ALK: variants seen among roughly 807,000 people sequenced by gnomAD.
ALK encodes ALK tyrosine kinase receptor.
ALK carries 74 observed loss-of-function variants against 163.1 expected under a neutral mutation model. That is an observed-to-expected ratio of 0.45 (90% confidence interval 0.38 to 0.55). The LOEUF is 0.55. Among genes scored for constraint, ALK ranks in the 20% least tolerant of loss-of-function variants. The probability of loss-of-function intolerance (pLI) is 0.00; values close to 1 mark genes in which losing one functional copy is unlikely to be tolerated. For synonymous variants in ALK, 960 were observed against 843.2 expected (o/e 1.14, Z -2.40); for missense variants, 2,063 against 2,105.3 (o/e 0.98, Z 0.39).
intron 3 of ALK, among the ~76,000 whole-genome samples, chr2:29,677,136 C>T (rs2148275547): frequency 6.6e-6 from 1 of 151,382 alleles, no homozygotes; most frequent in South Asian, 2.1e-4. Context: ...TTAGTTCCCT[C>T]CCTCCCTATT....
At chr2:29,367,112 A>T (rs1339237983) in intron 5 of ALK, among the ~76,000 whole-genome samples, 6 of 152,118 alleles carry the variant, frequency 3.9e-5, no homozygotes, top group Non-Finnish European at 7.3e-5. Context: ...TTAATAATTT[A>T]TCTGGATGCC....
intron 15 of ALK, 71 bp from the exon 16 acceptor site, chr2:29,229,137 C>G: frequency 6.7e-7 from 1 of 1,481,824 alleles, no homozygotes; most frequent in Non-Finnish European, 9.4e-7. Flanking sequence ...GCCAGAGAAG[C>G]AGGATGCAGG....
rs188353773 is a variant in ALK, at chr2:29,574,102, G to A, written c.953-41986C>T. Among the ~76,000 whole-genome samples the A allele has an allele frequency of 2.6e-3, 402 of 152,200 alleles. 7 individuals carry two copies. The highest frequency in any genetic ancestry group is 1.4e-3 in the Non-Finnish European group (96 of 68,016). On this transcript the variant is annotated intron_variant, in intron 3 of 28. Coordinates refer to ENST00000389048, the MANE Select transcript of ALK (RefSeq NM_004304.5). The stretch of plus-strand genomic sequence containing the variant: ...TGTCCTTGCAGCATTTACTGATGCC[G>A]GAGCAGAACAAGTAAGTCCCACTGC...
At chr2:29,880,435 G>A (rs1228283782) in intron 1 of ALK, among the ~76,000 whole-genome samples, 1 of 152,186 alleles carries the variant, frequency 6.6e-6, no homozygotes, top group Non-Finnish European at 1.5e-5. Context: ...GGTTTTAAAT[G>A]TTGGGGGGTC....
rs115083930 is a variant in ALK at position 29,756,250 on chromosome 2, G to A, written c.668-38553C>T. 7.8e-3 allele frequency among the ~76,000 whole-genome samples: 1,192 copies of A among 152,318 alleles called. 16 individuals are homozygous for A. The highest frequency in any genetic ancestry group is 0.028 in the African/African-American group (1,151 of 41,562). ...CTCAGCTCAAAAGTCCATTTCCCGGGAGGACCTTCCGGACCTTTTAAATGC... is the reference window on the plus strand; with the variant it reads ...CTCAGCTCAAAAGTCCATTTCCCGGAAGGACCTTCCGGACCTTTTAAATGC... On this transcript the variant is annotated intron_variant, in intron 1 of 28. Transcript: ENST00000389048.
chr2:29,316,388 G>A (rs2148246425), intron 8 of ALK, among the ~76,000 whole-genome samples: 1 of 152,106 alleles, frequency 6.6e-6, no homozygotes. Context: ...AAAAGGGCAG[G>A]GAATAGCAGA....
chr2:29,718,330 G>A (rs1239327524), intron 1 of ALK, among the ~76,000 whole-genome samples: 1 of 152,198 alleles, frequency 6.6e-6, no homozygotes, highest in African/African-American at 2.4e-5. Flanking sequence ...CATTATTCCT[G>A]TCCTTAGCAG....
At chr2:29,803,081 G>T (rs1664526165) in intron 1 of ALK, among the ~76,000 whole-genome samples, 1 of 152,156 alleles carries the variant, frequency 6.6e-6, no homozygotes, top group Non-Finnish European at 1.5e-5. Flanking sequence ...TGCAAGTAAG[G>T]AATTGCTTTT....
intron 9 of ALK, among the ~76,000 whole-genome samples, chr2:29,286,083 T>G (rs2148222911): frequency 6.6e-6 from 1 of 152,306 alleles, no homozygotes; most frequent in African/African-American, 2.4e-5. Flanking sequence ...ACTTAAATTT[T>G]CCTCAAGCAC....
chr2:29,771,466 A>G (rs35626225), intron 1 of ALK, among the ~76,000 whole-genome samples: 49,051 of 152,018 alleles, frequency 0.32, 9,536 homozygotes, highest in African/African-American at 0.53. Flanking sequence ...AATACCAGAG[A>G]CCAGAAAACA....
At chr2:29,891,731 CT>C (rs1395876168) in intron 1 of ALK, among the ~76,000 whole-genome samples, 1 of 152,164 alleles carries the variant, frequency 6.6e-6, no homozygotes. Context: ...TCAGTTCACA[CT>C]TCCCTGGGAC....
At chr2:29,754,604 C>T (rs1558473599) in intron 1 of ALK, among the ~76,000 whole-genome samples, 2 of 151,872 alleles carry the variant, frequency 1.3e-5, no homozygotes, top group Admixed American at 1.3e-4. Flanking sequence ...GTGGGAGGAT[C>T]GCTTGAGTTT....
chr2:29,739,814 A>C (rs2148323766), intron 1 of ALK, among the ~76,000 whole-genome samples: 1 of 152,126 alleles, frequency 6.6e-6, no homozygotes, highest in South Asian at 2.1e-4. Flanking sequence ...CACTCCCCAA[A>C]CCCCCATTAG....
At chr2:29,455,130 G>A (rs1670918529) in intron 4 of ALK, among the ~76,000 whole-genome samples, 1 of 152,056 alleles carries the variant, frequency 6.6e-6, no homozygotes, top group African/African-American at 2.4e-5. Context: ...ATAGACATTT[G>A]CAGAAGAGAG....
chr2:29,350,139 A>T (rs1362542521), intron 5 of ALK, among the ~76,000 whole-genome samples: 3 of 152,212 alleles, frequency 2.0e-5, no homozygotes, highest in Non-Finnish European at 4.4e-5. Context: ...GGGCATAAAT[A>T]ATCCCGGTCC....
At chr2:29,586,848 T>C (rs1674903093) in intron 3 of ALK, among the ~76,000 whole-genome samples, 1 of 152,198 alleles carries the variant, frequency 6.6e-6, no homozygotes, top group African/African-American at 2.4e-5. Context: ...AATAAAAAAC[T>C]AAAGCCTGAG....
At chr2:29,699,861 G>T (rs764975597) in intron 2 of ALK, among the ~76,000 whole-genome samples, 1 of 152,214 alleles carries the variant, frequency 6.6e-6, no homozygotes. Flanking sequence ...TTCTGGAAAA[G>T]ATCTGCCAGC....
intron 24 of ALK, among the ~76,000 whole-genome samples, chr2:29,211,470 A>G (rs946997080): frequency 6.6e-6 from 1 of 152,246 alleles, no homozygotes; most frequent in Non-Finnish European, 1.5e-5. Flanking sequence ...TACATAGAAT[A>G]CATCAAGAGT....
At chr2:29,916,225 G>T (rs1243007384) in intron 1 of ALK, among the ~76,000 whole-genome samples, 1 of 152,156 alleles carries the variant, frequency 6.6e-6, no homozygotes, top group Non-Finnish European at 1.5e-5. Flanking sequence ...AGAAAACAAG[G>T]TTTCCCTGAT....
Sources: gnomAD v4.1 joint callset for allele counts (sites outside exome capture counted in the v4.1 genomes callset) on GRCh38, gnomAD v4.1.1 for gene constraint, MANE v1.5 for transcripts, NCBI Gene and HGNC (gene_info 2026-07-23, HGNC 2026-07-21) for gene names.